ADCY3: variants seen among roughly 807,000 people sequenced by gnomAD.
The protein encoded by ADCY3 is adenylate cyclase 3.
Under a neutral mutation model 119.4 loss-of-function variants are expected in ADCY3, and 70 were observed. The ratio of observed to expected loss-of-function variants is 0.59; its 90% confidence interval spans 0.48 to 0.72. The LOEUF (loss-of-function observed/expected upper bound fraction) is 0.72. Ranked by LOEUF, ADCY3 falls within the 30% of genes least tolerant of loss-of-function variation. The pLI is 0.00. For missense variants in ADCY3, 1,238 were observed against 1,541.6 expected (o/e 0.80, Z 3.30); for synonymous variants, 672 against 621.4 (o/e 1.08, Z -1.21).
At chr2:24,853,416 T>C (rs576607826) in intron 3 of ADCY3, among the ~76,000 whole-genome samples, 1 of 152,072 alleles carries the variant, frequency 6.6e-6, no homozygotes, top group South Asian at 2.1e-4. Flanking sequence ...AATCCTTTTT[T>C]ATTGTTACAA....
rs1675092142 is a variant in ADCY3, at chr2:24,872,121, C to T, written c.825+449G>A. Among the ~76,000 whole-genome samples, 1 of 152,170 alleles carries T rather than the reference C, an allele frequency of 6.6e-6. No individual in the cohort carries two copies. Among genetic ancestry groups the T allele is most frequent in the African/African-American group, 2.4e-5 (1 of 41,458 alleles). ...GCCCCACCCACGGCATGAGCAGGTG[C>T]ACAGGGTGGATCTGCGGTTGGACCA... On this transcript the variant is annotated intron_variant, in intron 3 of 21. Coordinates refer to ENST00000679454, the MANE Select transcript of ADCY3 (RefSeq NM_004036.5). This position sits in a 1 kb window ranked among gnomAD's most constrained non-coding sequence, Gnocchi z 4.4.
chr2:24,884,012 T>G (rs1676715863), intron 2 of ADCY3, among the ~76,000 whole-genome samples: 1 of 152,240 alleles, frequency 6.6e-6, no homozygotes, highest in East Asian at 1.9e-4. Flanking sequence ...CCTGGGGATT[T>G]GATACATCTT....
At chr2:24,897,493 GTC>G (rs1052243418) in intron 2 of ADCY3, among the ~76,000 whole-genome samples, 2 of 152,164 alleles carry the variant, frequency 1.3e-5, no homozygotes, top group African/African-American at 4.8e-5. Context: ...AAGCACCTCA[GTC>G]TCTCTCTGAA....
At chr2:24,844,606 A>G (rs966979840) in intron 3 of ADCY3, among the ~76,000 whole-genome samples, 3 of 152,180 alleles carry the variant, frequency 2.0e-5, no homozygotes, top group African/African-American at 7.2e-5. Flanking sequence ...AGAGGTCCCC[A>G]GAGTCTGCTG....
At chr2:24,844,620 T>C (rs1303686596) in intron 3 of ADCY3, among the ~76,000 whole-genome samples, 3 of 152,200 alleles carry the variant, frequency 2.0e-5, no homozygotes, top group African/African-American at 7.2e-5. Flanking sequence ...TCTGCTGTTG[T>C]ACTTGGGCCC....
chr2:24,908,809 C>T (rs1238260410), intron 2 of ADCY3, among the ~76,000 whole-genome samples: 1 of 152,062 alleles, frequency 6.6e-6, no homozygotes, highest in African/African-American at 2.4e-5. Context: ...TCCTAATGGC[C>T]GATCTACCCA....
chr2:24,819,780 A>AGCTC lies in ADCY3; in HGVS notation c.*148_*151dup. 1.3e-6 allele frequency: 1 copy of AGCTC among 795,068 alleles called. No homozygotes were observed. Among genetic ancestry groups the AGCTC allele is most frequent in the Non-Finnish European group, 2.0e-6 (1 of 502,326 alleles). The allele number at this position is 795,068 out of a possible 1,614,324, so 49.3% of individuals were successfully genotyped here. ...ACAGGAATAGCAGGGCCACCCTCAG[A>AGCTC]GCTCACACATCCACGAACAAATGAA... On this transcript the variant is annotated 3_prime_UTR_variant, in exon 22 of 22. Coordinates refer to ENST00000679454, the MANE Select transcript of ADCY3 (RefSeq NM_004036.5).
intron 11 of ADCY3, among the ~76,000 whole-genome samples, 169 bp from the exon 12 acceptor site, chr2:24,831,918 GGGACAGCGGACAGT>G (rs1233025084): frequency 2.0e-3 from 136 of 69,250 alleles, no homozygotes; most frequent in Middle Eastern, 0.016. Context: ...CAGGGGCCAG[GGGACAGCGGACAGT>G]GGCCAGGGGA....
At chr2:24,890,114 T>C (rs931209026) in intron 2 of ADCY3, among the ~76,000 whole-genome samples, 1 of 152,224 alleles carries the variant, frequency 6.6e-6, no homozygotes, top group African/African-American at 2.4e-5. Flanking sequence ...TTCAGTAGGC[T>C]AATGTTAAAC....
rs1250781121 is a variant in ADCY3, at chr2:24,826,080, G to A, written c.2542C>T (p.Leu848Phe). 7 of 1,614,134 alleles carry A rather than the reference G, an allele frequency of 4.3e-6. No homozygotes were observed. Among genetic ancestry groups the A allele is most frequent in the Non-Finnish European group, 8.5e-7 (1 of 1,180,004 alleles). ...AAGTAGTAGAAGCTGAGCATCATGA[G>A]GAACACCATCACCGTCATAGAGTAC... is the stretch of plus-strand genomic sequence containing the variant. ...SKYSMTVMVFLMMLSFYYFSR... is the reference protein window; with the variant it reads ...SKYSMTVMVFFMMLSFYYFSR... Residue 848 changes from leucine to phenylalanine, a missense_variant, in exon 16 of 22, where the codon CTC (leucine) becomes TTC (phenylalanine). Coordinates refer to ENST00000679454, the MANE Select transcript of ADCY3 (RefSeq NM_004036.5).
Position 24,821,416 on chromosome 2 carries a change from T to C in ADCY3, c.3127+101A>G, listed in dbSNP as rs565793550. On this transcript the variant is annotated intron_variant, in intron 20 of 21. Transcript: ENST00000679454. Reference sequence around the variant, plus strand: ...GAGTGCGTGAACCTCCCCACCCGAATTGCCTCAGTTGTCCTGAGCCTCATG... The same window carrying C: ...GAGTGCGTGAACCTCCCCACCCGAACTGCCTCAGTTGTCCTGAGCCTCATG... 11,105 of 1,505,826 alleles carry C rather than the reference T, an allele frequency of 7.4e-3. 58 individuals are homozygous for C. The highest frequency in any genetic ancestry group is 8.5e-3 in the Non-Finnish European group (9,494 of 1,113,410). The allele number at this position is 1,505,826 out of a possible 1,614,324, so 93.3% of individuals were successfully genotyped here.
chr2:24,860,044 T>C lies in ADCY3; in HGVS notation c.825+12526A>G, dbSNP rs1056858968. Among the ~76,000 whole-genome samples the C allele has an allele frequency of 3.3e-5, 5 of 152,158 alleles. No homozygotes were observed. In the South Asian group the frequency reaches 1.0e-3, roughly 32 times the overall value. On this transcript the variant is annotated intron_variant, in intron 3 of 21. Transcript: ENST00000679454. ...GGGCCAGTTAACCACACAGGACGCG[T>C]GTGAAGGAAGCATAGGCCTGCCCCT...
At chr2:24,838,730 C>A in intron 7 of ADCY3, 108 bp from the exon 8 acceptor site, 1 of 1,586,500 alleles carries the variant, frequency 6.3e-7, no homozygotes, top group South Asian at 1.1e-5. Context: ...GGCCCCGTGT[C>A]TCTCGGGCAT....
intron 18 of ADCY3, 44 bp downstream of exon 18, chr2:24,823,165 G>A: frequency 6.3e-7 from 1 of 1,586,974 alleles, no homozygotes; most frequent in East Asian, 2.3e-5. Flanking sequence ...GATGTGGAAT[G>A]GGCCGGCTTC....
intron 3 of ADCY3, among the ~76,000 whole-genome samples, chr2:24,844,819 A>G (rs1189280999): frequency 4.6e-5 from 7 of 152,140 alleles, no homozygotes; most frequent in African/African-American, 1.7e-4. Context: ...TTGCGCTTTG[A>G]TATGGTTTGG....
intron 2 of ADCY3, among the ~76,000 whole-genome samples, chr2:24,886,785 G>A (rs1677078020): frequency 6.6e-6 from 1 of 152,248 alleles, no homozygotes; most frequent in Non-Finnish European, 1.5e-5. Context: ...GCCTGCCCTG[G>A]GGAGGGGAAG....
intron 2 of ADCY3, among the ~76,000 whole-genome samples, chr2:24,914,727 C>G (rs114020506): frequency 0.12 from 17,628 of 151,476 alleles, 1,086 homozygotes; most frequent in South Asian, 0.18. Flanking sequence ...GAGGATGGGT[C>G]GTGAGAACCA....
intron 2 of ADCY3, chr2:24,877,811 T>C (rs1474436642): frequency 6.6e-6 from 3 of 456,790 alleles, no homozygotes; most frequent in East Asian, 7.0e-5. Context: ...AGAGGCTCCT[T>C]GGCCTGGGGC....
intron 14 of ADCY3, 91 bp from the exon 15 acceptor site, chr2:24,827,699 C>T (rs577695729): frequency 8.4e-5 from 122 of 1,446,876 alleles, no homozygotes; most frequent in African/African-American, 5.8e-4. Flanking sequence ...GTCCTCCACT[C>T]GGGGAGAATG....
Sources: allele counts gnomAD v4.1 joint callset (sites outside exome capture counted in the v4.1 genomes callset), GRCh38; gene constraint gnomAD v4.1.1; non-coding constraint Gnocchi (gnomAD v3.1); transcripts MANE v1.5; gene names NCBI Gene and HGNC (gene_info 2026-07-23, HGNC 2026-07-21).